The following PCDH11X variants were observed in gnomAD, a reference collection of about 807,000 sequenced individuals.
The protein encoded by PCDH11X is protocadherin 11 X-linked.
In PCDH11X, 18 loss-of-function variants were observed where a neutral mutation model predicts 53.3. The ratio of observed to expected loss-of-function variants is 0.34; its 90% confidence interval spans 0.23 to 0.50. The LOEUF is 0.50. PCDH11X is among the 20% of genes least tolerant of loss of function. PCDH11X has a pLI of 0.98. For missense variants in PCDH11X, 570 were observed against 1,032.4 expected (o/e 0.55, Z 6.14); for synonymous variants, 279 against 393.3 (o/e 0.71, Z 3.44).
intron 6 of PCDH11X, among the ~76,000 whole-genome samples, chrX:91,935,357 G>A (rs1305550968): frequency 9.3e-6 from 1 of 107,025 alleles, no homozygotes; most frequent in East Asian, 3.0e-4. Context: ...CTTATAATTT[G>A]TAATTTTGTA....
chrX:91,857,527 T>C (rs572270247), intron 5 of PCDH11X, among the ~76,000 whole-genome samples: 57 of 111,885 alleles, frequency 5.1e-4, no homozygotes, highest in Middle Eastern at 9.2e-3. Context: ...CTTCCACCTA[T>C]GAGCCTATAA....
intron 5 of PCDH11X, among the ~76,000 whole-genome samples, chrX:91,844,954 G>A (rs868131338): frequency 9.0e-6 from 1 of 111,095 alleles, no homozygotes. Flanking sequence ...ATCATATACT[G>A]CCTCTACGGT....
chrX:91,924,510 A>G (rs768149772), intron 6 of PCDH11X, among the ~76,000 whole-genome samples: 1 of 112,147 alleles, frequency 8.9e-6, no homozygotes, highest in Non-Finnish European at 1.9e-5. Flanking sequence ...GTAATTTGTC[A>G]CAACGGTGAT....
At chrX:92,327,633 A>G (rs1190464712) in intron 8 of PCDH11X, among the ~76,000 whole-genome samples, 1 of 108,175 alleles carries the variant, frequency 9.2e-6, no homozygotes, top group African/African-American at 3.4e-5. Flanking sequence ...TCAGAATTCA[A>G]TTATTGAAGA....
intron 6 of PCDH11X, among the ~76,000 whole-genome samples, chrX:92,192,141 G>A (rs1486787523): frequency 2.7e-5 from 3 of 110,888 alleles, no homozygotes; most frequent in South Asian, 3.8e-4. Context: ...TGAGCTTAAT[G>A]TTCTAATATT....
chrX:92,448,335 G>T (rs776214167), intron 9 of PCDH11X, among the ~76,000 whole-genome samples: 171 of 99,478 alleles, frequency 1.7e-3, no homozygotes, highest in African/African-American at 5.9e-3. Context: ...ATTCCCATAT[G>T]TTGTGGGGGG....
intron 6 of PCDH11X, among the ~76,000 whole-genome samples, chrX:92,101,712 G>A (rs1387711818): frequency 9.1e-6 from 1 of 110,280 alleles, no homozygotes. Context: ...TTTAGACTAA[G>A]AGGTATTTTA....
intron 10 of PCDH11X, among the ~76,000 whole-genome samples, chrX:92,500,109 C>A (rs1464525132): frequency 1.8e-5 from 2 of 111,107 alleles, no homozygotes; most frequent in Admixed American, 1.9e-4. Context: ...CTAAGACATT[C>A]TTTGACACAC....
intron 6 of PCDH11X, among the ~76,000 whole-genome samples, chrX:92,107,929 AAATT>A (rs774254363): frequency 1.2e-4 from 13 of 112,225 alleles, no homozygotes; most frequent in African/African-American, 3.6e-4. Flanking sequence ...ATCACTAGTC[AAATT>A]AATTTATCAG....
intron 6 of PCDH11X, among the ~76,000 whole-genome samples, chrX:92,175,498 C>G (rs2065890790): frequency 9.1e-6 from 1 of 109,689 alleles, no homozygotes; most frequent in Non-Finnish European, 1.9e-5. Context: ...AAATGCTAGG[C>G]ACCTTTAGTT....
chrX:91,972,989 G>A (rs1457780851), intron 6 of PCDH11X, among the ~76,000 whole-genome samples: 35 of 109,753 alleles, frequency 3.2e-4, no homozygotes, highest in Non-Finnish European at 5.9e-4. Flanking sequence ...ACATGCACAC[G>A]TATGTTTATT....
intron 9 of PCDH11X, among the ~76,000 whole-genome samples, chrX:92,442,313 G>A (rs2072533391): frequency 9.1e-6 from 1 of 110,109 alleles, no homozygotes; most frequent in African/African-American, 3.3e-5. Flanking sequence ...AGAGGGGCCA[G>A]GGGTGGAATG....
rs1392054014 is a variant in PCDH11X at position 92,092,713 on chromosome X, A to G, written c.3034-108662A>G. Among the ~76,000 whole-genome samples, 3 of 111,792 alleles carry G rather than the reference A, an allele frequency of 2.7e-5. No individual in the cohort carries two copies. The East Asian group carries it at 8.5e-4, about 32-fold the overall frequency. ...CTCAATGAGCTAAGGGGTATCTTCG[A>G]ACAGGAGGCAGATTTGCCCTAAGCA... is the stretch of plus-strand genomic sequence containing the variant. On this transcript the variant is annotated intron_variant, in intron 6 of 10. Coordinates refer to ENST00000682573, the MANE Select transcript of PCDH11X (RefSeq NM_032968.5).
chrX:92,474,001 G>A (rs2073324116), intron 10 of PCDH11X, among the ~76,000 whole-genome samples: 1 of 110,985 alleles, frequency 9.0e-6, no homozygotes, highest in South Asian at 3.7e-4. Flanking sequence ...TTTTGCTGTT[G>A]CTGTTGTTGT....
At chrX:92,181,297 A>G (rs1356373805) in intron 6 of PCDH11X, among the ~76,000 whole-genome samples, 1 of 111,607 alleles carries the variant, frequency 9.0e-6, no homozygotes, top group Non-Finnish European at 1.9e-5. Context: ...TAGCTGGTGG[A>G]AGAAATTTCT....
chrX:92,419,275 C>CTTTT (rs200748988), intron 9 of PCDH11X, among the ~76,000 whole-genome samples: 11 of 88,889 alleles, frequency 1.2e-4, no homozygotes, highest in East Asian at 3.9e-4. Context: ...TTTTTTTGTT[C>CTTTT]TTTTTTTTTT....
At chrX:92,599,277 C>G (rs1925976254) in intron 10 of PCDH11X, among the ~76,000 whole-genome samples, 1 of 111,805 alleles carries the variant, frequency 8.9e-6, no homozygotes, top group African/African-American at 3.3e-5. Flanking sequence ...ACACTTTGCA[C>G]ACCTGTATCA....
At chrX:92,382,232 C>G (rs1398564438) in intron 8 of PCDH11X, among the ~76,000 whole-genome samples, 2 of 111,413 alleles carry the variant, frequency 1.8e-5, no homozygotes, top group Non-Finnish European at 3.8e-5. Context: ...TATGGTAATC[C>G]TTAGAAAGTA....
intron 8 of PCDH11X, among the ~76,000 whole-genome samples, chrX:92,282,837 T>C (rs1360115699): frequency 9.0e-6 from 1 of 111,449 alleles, no homozygotes; most frequent in Non-Finnish European, 1.9e-5. Context: ...TGGGAGACAT[T>C]GAATGCTATT....
Sources: allele counts gnomAD v4.1 joint callset (sites outside exome capture counted in the v4.1 genomes callset), GRCh38; gene constraint gnomAD v4.1.1; transcripts MANE v1.5; gene names NCBI Gene and HGNC (gene_info 2026-07-23, HGNC 2026-07-21).